Variants in NSD2 observed in about 807,000 individuals in gnomAD.
NSD2 encodes histone-lysine N-methyltransferase NSD2.
A neutral mutation model predicts 139.0 loss-of-function variants in NSD2; 12 were observed. The observed-to-expected ratio is 0.09, with a 90% CI of 0.06 to 0.14. The LOEUF (loss-of-function observed/expected upper bound fraction) is 0.14, where lower values mean the gene tolerates loss of function less well. Ranked by LOEUF, NSD2 falls within the 10% of genes least tolerant of loss-of-function variation. NSD2 has a pLI of 1.00. For synonymous variants in NSD2, 669 were observed against 648.7 expected (o/e 1.03, Z -0.48); for missense variants, 1,155 against 1,745.0 (o/e 0.66, Z 6.02).
intron 9 of NSD2, among the ~76,000 whole-genome samples, chr4:1,949,848 C>T (rs1361770687): frequency 6.6e-6 from 1 of 151,890 alleles, no homozygotes; most frequent in East Asian, 1.9e-4. Context: ...GTTTTTCTTC[C>T]ACCGCTCCCT....
chr4:1,894,523 A>G (rs1027445824), intron 1 of NSD2, among the ~76,000 whole-genome samples: 5 of 152,000 alleles, frequency 3.3e-5, no homozygotes, highest in Admixed American at 6.6e-5. Flanking sequence ...AAATACAAAA[A>G]TTAGCCAGTG....
chr4:1,885,479 T>C (rs1018952674), intron 1 of NSD2, among the ~76,000 whole-genome samples: 1 of 152,200 alleles, frequency 6.6e-6, no homozygotes, highest in Non-Finnish European at 1.5e-5. Flanking sequence ...ACTTCTGATA[T>C]GTTGATAAAA....
At chr4:1,910,610 CCTTG>C (rs773602761) in intron 3 of NSD2, among the ~76,000 whole-genome samples, 88 of 152,194 alleles carry the variant, frequency 5.8e-4, no homozygotes, top group South Asian at 2.1e-3. Flanking sequence ...AATTAACCCT[CCTTG>C]CTTTATATAG....
chr4:1,957,243 C>T (rs1261462518), intron 15 of NSD2, among the ~76,000 whole-genome samples: 1 of 151,920 alleles, frequency 6.6e-6, no homozygotes, highest in East Asian at 1.9e-4. Flanking sequence ...CTCTCAGAAC[C>T]CCTTTTGTTT....
At chr4:1,975,087 G>A (rs1726929869) in intron 19 of NSD2, 83 bp downstream of exon 19, 1 of 1,594,236 alleles carries the variant, frequency 6.3e-7, no homozygotes, top group Non-Finnish European at 8.6e-7. Flanking sequence ...GGGCTGGACT[G>A]GAAAGGCTCT....
chr4:1,966,128 A>G (rs1482013351), intron 18 of NSD2, among the ~76,000 whole-genome samples: 1 of 152,224 alleles, frequency 6.6e-6, no homozygotes, highest in African/African-American at 2.4e-5. Flanking sequence ...AAATTAAGAC[A>G]TTCCCAGATA....
chr4:1,900,896 A>G lies in NSD2; in HGVS notation c.242A>G (p.Asp81Gly). 1.9e-6 allele frequency: 3 copies of G among 1,613,332 alleles called. No homozygotes were observed. Among genetic ancestry groups the G allele is most frequent in the Non-Finnish European group, 2.5e-6 (3 of 1,179,530 alleles). ...LPFIPADKLKDLTSRVFNGEP... is the reference protein window; with the variant it reads ...LPFIPADKLKGLTSRVFNGEP... ...TTTATTCCAGCCGACAAGCTGAAAG[A>G]TCTTACTTCCCGGGTGTTTAATGGA... is the stretch of plus-strand genomic sequence containing the variant. The change falls in exon 2 of 22, where the codon GAT becomes GGT. Residue 81 changes from aspartate to glycine, a missense_variant. Asp to Gly is a moderately conservative substitution (Grantham distance 94). Transcript: ENST00000508803.
intron 1 of NSD2, among the ~76,000 whole-genome samples, chr4:1,881,705 A>C (rs895332753): frequency 2.6e-5 from 4 of 152,220 alleles, no homozygotes; most frequent in Non-Finnish European, 5.9e-5. Flanking sequence ...CCCTGGTTCT[A>C]ATTATTCTCT....
chr4:1,952,129 C>T lies in NSD2; in HGVS notation c.2035C>T (p.Leu679Phe), dbSNP rs1349584955. The T allele has an allele frequency of 8.1e-6, 13 of 1,614,166 alleles. 1 individual carries two copies. The South Asian group carries it at 9.9e-5, about 12-fold the overall frequency. Reference protein sequence around the residue: ...VCQLCEKPGSLLLCEGPCCGA... With the variant: ...VCQLCEKPGSFLLCEGPCCGA... ...GCAGCTGTGTGAGAAGCCGGGCAGC[C>T]TCCTGCTCTGTGAAGGACCCTGCTG... Residue 679 changes from leucine (L) to phenylalanine (F), a missense_variant, in exon 11 of 22, where the codon CTC becomes TTC. By Grantham distance (22) the Leu-to-Phe change is conservative (BLOSUM62 0). Transcript: ENST00000508803.
intron 18 of NSD2, among the ~76,000 whole-genome samples, chr4:1,970,091 G>A (rs1390214187): frequency 1.3e-5 from 2 of 152,220 alleles, no homozygotes; most frequent in Non-Finnish European, 2.9e-5. Context: ...GCCTTGGGCA[G>A]GGGCTGCTGA....
intron 18 of NSD2, among the ~76,000 whole-genome samples, chr4:1,961,452 A>G (rs1725359542): frequency 1.3e-5 from 2 of 152,188 alleles, no homozygotes; most frequent in Admixed American, 1.3e-4. Flanking sequence ...CAGATGAGGA[A>G]GTCTCAGCAT....
chr4:1,900,609 T>G lies in NSD2; in HGVS notation c.-29-17T>G. 1 of 1,469,982 alleles carries G rather than the reference T, an allele frequency of 6.8e-7. No homozygotes were observed. The highest frequency in any genetic ancestry group is 9.1e-7 in the Non-Finnish European group (1 of 1,102,234). The allele number at this position is 1,469,982 out of a possible 1,614,324, so 91.1% of individuals were successfully genotyped here. On this transcript the variant is annotated splice_polypyrimidine_tract_variant and intron_variant, in intron 1 of 21. Transcript: ENST00000508803. The stretch of plus-strand genomic sequence containing the variant: ...TAATTGCTTTTTCTTTCTTTTTTCT[T>G]TTTTTTAATACCATAGTGTTCTAAG...
At chr4:1,971,106 C>T (rs1457267864) in intron 18 of NSD2, among the ~76,000 whole-genome samples, 1 of 152,170 alleles carries the variant, frequency 6.6e-6, no homozygotes, top group African/African-American at 2.4e-5. Flanking sequence ...TGCCAGTAAT[C>T]CCAGCACTTT....
rs146822227 is a variant in NSD2 at position 1,918,562 on chromosome 4, G to A, written c.1349G>A (p.Arg450Gln). 3 of 1,613,898 alleles carry A rather than the reference G, an allele frequency of 1.9e-6. No individual in the cohort carries two copies. The highest frequency in any genetic ancestry group is 2.2e-5 in the East Asian group (1 of 44,866). ...AAGAAGACCACAGTCTCCATGCCAC[G>A]AAGCAGGAAGGGAGATGCAGCATCC... ...GRKKTTVSMP[R>Q]SRKGDAASQF... Residue 450 changes from arginine to glutamine, a missense_variant, in exon 5 of 22, where the codon CGA (arginine) becomes CAA (glutamine). Physicochemically the swap from Arg to Gln is conservative, Grantham distance 43. Around this residue, in one of 8 missense-constraint regions of NSD2, gnomAD observed 420 missense variants for 469.0 expected, o/e 0.90. Transcript: ENST00000508803.
chr4:1,953,426 A>G lies in NSD2; in HGVS notation c.2240A>G (p.Tyr747Cys). Residue 747 changes from tyrosine to cysteine, a missense_variant, in exon 12 of 22, where the codon TAC becomes TGC. Around this residue, in one of 8 missense-constraint regions of NSD2, gnomAD observed 120 missense variants for 239.3 expected, o/e 0.50. Transcript: ENST00000508803. ...KFYHEACVKK[Y>C]PLTVFESRGF... ...TACCATGAGGCTTGTGTGAAAAAATACCCTCTGACTGTATTTGAGAGCCGA... is the reference window on the plus strand; with the variant it reads ...TACCATGAGGCTTGTGTGAAAAAATGCCCTCTGACTGTATTTGAGAGCCGA... 6.2e-7 allele frequency: 1 copy of G among 1,614,072 alleles called. No individual in the cohort carries two copies. The highest frequency in any genetic ancestry group is 8.5e-7 in the Non-Finnish European group (1 of 1,180,004).
chr4:1,951,681 C>T (rs1724286996), intron 10 of NSD2, among the ~76,000 whole-genome samples: 1 of 152,190 alleles, frequency 6.6e-6, no homozygotes, highest in Non-Finnish European at 1.5e-5. Context: ...TGCTTCAGTC[C>T]CGCCCCATCT....
rs763391838 is a variant in NSD2 at position 1,976,563 on chromosome 4, A to G, written c.3710A>G (p.Gln1237Arg). Residue 1237 changes from glutamine (Q) to arginine (R), a missense_variant, in exon 21 of 22, where the codon CAG (glutamine) becomes CGG (arginine). Around this residue, in one of 8 missense-constraint regions of NSD2, gnomAD observed 39 missense variants for 43.5 expected, o/e 0.90. Transcript: ENST00000508803. This position sits in a 1 kb window ranked among gnomAD's most constrained non-coding sequence, Gnocchi z 5.3. ...AGAGCAAAAGGGGAAGGGAAGAGGC[A>G]GTCAGAGGACGAGTGCTTCCGCTGC... ...RRRAKGEGKRQSEDECFRCGD... is the reference protein window; with the variant it reads ...RRRAKGEGKRRSEDECFRCGD... 3 of 1,613,806 alleles carry G rather than the reference A, an allele frequency of 1.9e-6. No homozygotes were observed. In the Admixed American group the frequency reaches 5.0e-5, roughly 27 times the overall value.
Position 1,952,101 on chromosome 4 carries a change from C to T in NSD2, c.2014-7C>T, listed in dbSNP as rs368066148. The T allele has an allele frequency of 9.3e-6, 15 of 1,613,620 alleles. No homozygotes were observed. The highest frequency in any genetic ancestry group is 1.3e-5 in the Non-Finnish European group (15 of 1,179,794). On this transcript the variant is annotated splice_polypyrimidine_tract_variant and splice_region_variant and intron_variant, in intron 10 of 21. Transcript: ENST00000508803. ...GCGCTGCTTACCCGCCTGCTCTGCC[C>T]CCGCAGCTGTGTGAGAAGCCGGGCA...
In NSD2 at chr4:1,974,336, G is replaced by A. The variant is rs966330614; in HGVS notation, c.3373-527G>A. Reference sequence around the variant, plus strand: ...AGTGATTCTCCTGCCTCAGCCTCCCGAGTAGCTGAGATTACAGGCAGCCAC... The same window carrying A: ...AGTGATTCTCCTGCCTCAGCCTCCCAAGTAGCTGAGATTACAGGCAGCCAC... On this transcript the variant is annotated intron_variant, in intron 18 of 21. Coordinates refer to ENST00000508803, the MANE Select transcript of NSD2 (RefSeq NM_001042424.3). The surrounding 1 kb of genome is among the most constrained non-coding windows in gnomAD (Gnocchi z 4.0). Among the ~76,000 whole-genome samples the A allele has an allele frequency of 6.6e-6, 1 of 151,828 alleles. No homozygotes were observed. The highest frequency in any genetic ancestry group is 2.4e-5 in the African/African-American group (1 of 41,418).
Sources: allele counts gnomAD v4.1 joint callset (sites outside exome capture counted in the v4.1 genomes callset), GRCh38; gene constraint gnomAD v4.1.1; regional missense constraint gnomAD v4.1.1; non-coding constraint Gnocchi (gnomAD v3.1); transcripts MANE v1.5; gene names NCBI Gene and HGNC (gene_info 2026-07-23, HGNC 2026-07-21).